NOL4L: variants seen among roughly 807,000 people sequenced by gnomAD.
NOL4L encodes the protein nucleolar protein 4 like, also known as nucleolar protein 4-like.
NOL4L carries 7 observed loss-of-function variants against 64.5 expected under a neutral mutation model. The observed-to-expected ratio is 0.11, with a 90% CI of 0.06 to 0.20. The LOEUF (loss-of-function observed/expected upper bound fraction) is 0.20. NOL4L is among the 10% of genes least tolerant of loss of function. The pLI is 1.00. For synonymous variants in NOL4L, 413 were observed against 401.0 expected (o/e 1.03, Z -0.36); for missense variants, 680 against 967.1 (o/e 0.70, Z 3.94).
chr20:32,544,631 G>A (rs1409839434), intron 1 of NOL4L, among the ~76,000 whole-genome samples: 1 of 152,208 alleles, frequency 6.6e-6, no homozygotes, highest in Admixed American at 6.5e-5. Context: ...GAGGGAGGGT[G>A]GTCAGTGGCG....
At chr20:32,572,422 C>T (rs41293132) in intron 1 of NOL4L, 3,050 of 152,310 alleles carry the variant, frequency 0.02, 54 homozygotes, top group Non-Finnish European at 0.031. Context: ...TCCAGATTCT[C>T]CCCACAGCAA....
chr20:32,567,639 C>A (rs1242065864), intron 1 of NOL4L, among the ~76,000 whole-genome samples: 5 of 152,232 alleles, frequency 3.3e-5, no homozygotes, highest in African/African-American at 1.2e-4. Context: ...AGCCGCCTGC[C>A]TGAGCGCACA....
chr20:32,556,596 G>A (rs571318772), intron 1 of NOL4L, among the ~76,000 whole-genome samples: 1 of 152,300 alleles, frequency 6.6e-6, no homozygotes, highest in Admixed American at 6.5e-5. Flanking sequence ...TCACACAGCC[G>A]AGCAGAGGCT....
At chr20:32,468,672 G>T (rs147738310) in intron 5 of NOL4L, among the ~76,000 whole-genome samples, 1 of 151,934 alleles carries the variant, frequency 6.6e-6, no homozygotes, top group African/African-American at 2.4e-5. Context: ...AGGCCGAGGC[G>T]GGCAGATCAT....
chr20:32,508,099 A>G (rs980438311), intron 4 of NOL4L, among the ~76,000 whole-genome samples: 4 of 152,242 alleles, frequency 2.6e-5, no homozygotes, highest in African/African-American at 9.6e-5. Context: ...TGTAACCTGC[A>G]TTAGAAATTT....
chr20:32,502,315 G>A lies in NOL4L; in HGVS notation c.699+9032C>T, dbSNP rs566022381. On this transcript the variant is annotated intron_variant, in intron 4 of 10. Transcript: ENST00000621426. Reference sequence around the variant, plus strand: ...TTTTAAAAAATGTATTCTAGAGGCCGGGTGTGGTGGCTCATGCCTGTAATC... The same window carrying A: ...TTTTAAAAAATGTATTCTAGAGGCCAGGTGTGGTGGCTCATGCCTGTAATC... Among the ~76,000 whole-genome samples, 100 of 152,342 alleles carry A rather than the reference G, an allele frequency of 6.6e-4. 2 individuals are homozygous for A. The Middle Eastern group carries it at 0.02, about 31-fold the overall frequency.
At chr20:32,537,041 C>T (rs2018556240) in intron 1 of NOL4L, 1 of 984,050 alleles carries the variant, frequency 1.0e-6, no homozygotes, top group Non-Finnish European at 1.2e-6. Context: ...AACCGGCTCC[C>T]GGCGCACCTG....
In NOL4L at chr20:32,500,538, CT is replaced by C. The variant is rs35172494; in HGVS notation, c.699+10808del. On this transcript the variant is annotated intron_variant, in intron 4 of 10. Coordinates refer to ENST00000621426, the MANE Select transcript of NOL4L (RefSeq NM_001256798.2). ...CCAGCTAATTTTTTTGTATTTCTTT[CT>C]TTTTTTTTTTTTTTTTTACTAGAGA... 4.9e-3 allele frequency among the ~76,000 whole-genome samples: 637 copies of C among 129,574 alleles called. 5 individuals are homozygous for C. The highest frequency in any genetic ancestry group is 0.012 in the Middle Eastern group (3 of 246). 85.0% of individuals were successfully genotyped at this position (129,574 alleles called of 152,430 possible). A position where few individuals can be genotyped will look rare whatever the true frequency, so the allele number is the denominator to read the frequency against.
At chr20:32,511,078 T>A (rs1417456837) in intron 4 of NOL4L, 2 of 333,102 alleles carry the variant, frequency 6.0e-6, no homozygotes, top group Non-Finnish European at 1.1e-5. Flanking sequence ...CCCTTCCACG[T>A]CCCCTCCTCC....
At chr20:32,563,557 C>T (rs1979228828) in intron 1 of NOL4L, among the ~76,000 whole-genome samples, 2 of 152,052 alleles carry the variant, frequency 1.3e-5, no homozygotes, top group Admixed American at 1.3e-4. Context: ...CATCACAGGG[C>T]TTGCATATTC....
At chr20:32,536,157 C>G (rs1404005604) in intron 1 of NOL4L, 1 of 985,562 alleles carries the variant, frequency 1.0e-6, no homozygotes, top group African/African-American at 1.7e-5. Context: ...CTAGAAGACA[C>G]CCATTAAAGA....
At chr20:32,541,508 C>T (rs902775223) in intron 1 of NOL4L, among the ~76,000 whole-genome samples, 1 of 152,208 alleles carries the variant, frequency 6.6e-6, no homozygotes, top group Non-Finnish European at 1.5e-5. Flanking sequence ...GTGGGGGTGG[C>T]GGGGCTGATG....
intron 9 of NOL4L, 29 bp downstream of exon 9, chr20:32,452,855 G>A: frequency 6.2e-7 from 1 of 1,612,548 alleles, no homozygotes; most frequent in Non-Finnish European, 8.5e-7. Flanking sequence ...CCCAGGAGCG[G>A]CCCCTGTAGT....
intron 4 of NOL4L, chr20:32,486,552 C>G (rs972300607): frequency 2.8e-6 from 1 of 360,272 alleles, no homozygotes; most frequent in Non-Finnish European, 5.7e-6. Context: ...AAGTGGGGAC[C>G]TGGCCATGGG....
chr20:32,579,907 C>T (rs569157392), intron 1 of NOL4L, among the ~76,000 whole-genome samples: 1 of 152,304 alleles, frequency 6.6e-6, no homozygotes, highest in South Asian at 2.1e-4. Flanking sequence ...CTCCCTCCTC[C>T]CCACCCCACA....
chr20:32,517,266 C>T (rs576106417), intron 3 of NOL4L, among the ~76,000 whole-genome samples: 24 of 152,354 alleles, frequency 1.6e-4, no homozygotes, highest in African/African-American at 5.8e-4. Context: ...AAGGAGCCTC[C>T]ATCCTGTCCC....
intron 1 of NOL4L, among the ~76,000 whole-genome samples, chr20:32,560,121 G>A (rs1978916838): frequency 6.6e-6 from 1 of 152,258 alleles, no homozygotes; most frequent in African/African-American, 2.4e-5. Context: ...GGCAGGGGAA[G>A]GGAGCACTGG....
At chr20:32,528,064 C>T (rs1186704813) in intron 1 of NOL4L, among the ~76,000 whole-genome samples, 151 bp from the exon 2 acceptor site, 1 of 151,372 alleles carries the variant, frequency 6.6e-6, no homozygotes, top group African/African-American at 2.4e-5. Flanking sequence ...AGGGGGCTCC[C>T]TGGAGGGGGA....
At chr20:32,474,451 T>C in intron 5 of NOL4L, 150 bp downstream of exon 5, 3 of 867,608 alleles carry the variant, frequency 3.5e-6, no homozygotes, top group Non-Finnish European at 5.0e-6. Context: ...CTGAGAACAC[T>C]GGGGGCAGTG....
Sources: allele counts gnomAD v4.1 joint callset (sites outside exome capture counted in the v4.1 genomes callset), GRCh38; gene constraint gnomAD v4.1.1; transcripts MANE v1.5; gene names NCBI Gene and HGNC (gene_info 2026-07-23, HGNC 2026-07-21).